Variants in DNAJC3 observed in about 807,000 individuals in gnomAD.
DNAJC3 encodes dnaJ homolog subfamily C member 3.
In DNAJC3, 38 loss-of-function variants were observed where a neutral mutation model predicts 68.6. That is an observed-to-expected ratio of 0.55 (90% CI 0.43 to 0.73). The LOEUF (loss-of-function observed/expected upper bound fraction) is 0.73, where lower values mean the gene tolerates loss of function less well. Ranked by LOEUF, DNAJC3 falls within the 30% of genes least tolerant of loss-of-function variation. DNAJC3 has a pLI of 0.00. For synonymous variants in DNAJC3, 203 were observed against 204.0 expected (o/e 1.00, Z 0.04); for missense variants, 526 against 591.9 (o/e 0.89, Z 1.16).
chr13:95,682,100 A>G lies in DNAJC3; in HGVS notation c.82+4763A>G, dbSNP rs578052430. 2.6e-5 allele frequency among the ~76,000 whole-genome samples: 4 copies of G among 152,328 alleles called. No individual in the cohort carries two copies. The South Asian group carries it at 8.3e-4, about 32-fold the overall frequency. The stretch of plus-strand genomic sequence containing the variant: ...ACAGACTGAGTAATTTATAAAAAAA[A>G]TTTCAACCTGAATTTTGGAGAGAAC... On this transcript the variant is annotated intron_variant, in intron 1 of 11. Transcript: ENST00000602402.
At chr13:95,737,032 G>A (rs1268881899) in intron 4 of DNAJC3, among the ~76,000 whole-genome samples, 20 of 151,826 alleles carry the variant, frequency 1.3e-4, no homozygotes, top group African/African-American at 4.6e-4. Flanking sequence ...TAGCCTGAAG[G>A]GTTGTTGAAT....
At chr13:95,779,119 C>CTTTTTTTTTTTTTTTTTTTT (rs142933580) in intron 9 of DNAJC3, among the ~76,000 whole-genome samples, 3 of 97,974 alleles carry the variant, frequency 3.1e-5, no homozygotes, top group Non-Finnish European at 5.7e-5. Flanking sequence ...TTTCTTCTTT[C>CTTTTTTTTTTTTTTTTTTTT]TTTTTTTTTT....
At chr13:95,767,874 TC>T (rs202011630) in intron 9 of DNAJC3, among the ~76,000 whole-genome samples, 2,167 of 151,424 alleles carry the variant, frequency 0.014, 57 homozygotes, top group African/African-American at 0.05. Context: ...CTTTTTTTTT[TC>T]CGTATTTTTA....
intron 4 of DNAJC3, among the ~76,000 whole-genome samples, chr13:95,749,366 T>G (rs549479979): frequency 2.0e-5 from 3 of 152,312 alleles, no homozygotes; most frequent in Admixed American, 2.0e-4. Context: ...GATTCATCCC[T>G]CTTTGAGAGA....
At chr13:95,786,432 A>G (rs940736627) in intron 10 of DNAJC3, among the ~76,000 whole-genome samples, 3 of 152,176 alleles carry the variant, frequency 2.0e-5, no homozygotes, top group Non-Finnish European at 4.4e-5. Context: ...TCTAGGCCTA[A>G]AAATAAAGTA....
At chr13:95,724,934 G>C (rs1881457136) in intron 3 of DNAJC3, among the ~76,000 whole-genome samples, 1 of 152,112 alleles carries the variant, frequency 6.6e-6, no homozygotes, top group Admixed American at 6.5e-5. Context: ...ACATGTACAA[G>C]TTTTTGTGTG....
At chr13:95,740,991 G>A (rs1035803427) in intron 4 of DNAJC3, among the ~76,000 whole-genome samples, 6 of 151,932 alleles carry the variant, frequency 3.9e-5, no homozygotes, top group African/African-American at 1.2e-4. Context: ...GTCTATCTCT[G>A]TTCTCTTATA....
intron 1 of DNAJC3, among the ~76,000 whole-genome samples, chr13:95,685,123 G>T (rs1007232572): frequency 1.3e-5 from 2 of 152,244 alleles, no homozygotes; most frequent in Non-Finnish European, 2.9e-5. Context: ...CTTGCACCAT[G>T]CACCTGGAAA....
chr13:95,751,019 G>A (rs1379392413), intron 4 of DNAJC3, among the ~76,000 whole-genome samples: 1 of 152,160 alleles, frequency 6.6e-6, no homozygotes, highest in African/African-American at 2.4e-5. Flanking sequence ...GCCAAGGTGG[G>A]AGGATTGCAG....
At chr13:95,691,258 C>T (rs532371979) in intron 1 of DNAJC3, among the ~76,000 whole-genome samples, 2,581 of 151,396 alleles carry the variant, frequency 0.017, 80 homozygotes, top group African/African-American at 0.06. Flanking sequence ...ACTTCCCAGA[C>T]GGGGTGGCTG....
chr13:95,764,683 T>TATATATACAC (rs36030034), intron 9 of DNAJC3, among the ~76,000 whole-genome samples: 97 of 88,216 alleles, frequency 1.1e-3, no homozygotes, highest in Admixed American at 3.3e-3. Context: ...TATATATATA[T>TATATATACAC]ACACACACAC....
chr13:95,704,179 A>G (rs1880655075), intron 1 of DNAJC3, among the ~76,000 whole-genome samples: 1 of 152,198 alleles, frequency 6.6e-6, no homozygotes, highest in South Asian at 2.1e-4. Flanking sequence ...CTTTGGAAGC[A>G]TTTCTCCTTT....
intron 1 of DNAJC3, among the ~76,000 whole-genome samples, chr13:95,686,717 A>G (rs540863039): frequency 3.3e-5 from 5 of 152,284 alleles, no homozygotes; most frequent in South Asian, 4.1e-4. Context: ...GGGGTTCTCT[A>G]TTGTAGTCCA....
At chr13:95,683,167 G>A (rs1219750556) in intron 1 of DNAJC3, among the ~76,000 whole-genome samples, 1 of 152,180 alleles carries the variant, frequency 6.6e-6, no homozygotes, top group Non-Finnish European at 1.5e-5. Flanking sequence ...CAGTGTGAGG[G>A]AAGGTTTCAC....
intron 7 of DNAJC3, among the ~76,000 whole-genome samples, chr13:95,763,372 T>G (rs1247468840): frequency 6.6e-6 from 1 of 152,218 alleles, no homozygotes; most frequent in Non-Finnish European, 1.5e-5. Context: ...TGTAAGGAAA[T>G]TCTTCTGGTT....
chr13:95,749,821 A>G (rs540624367), intron 4 of DNAJC3, among the ~76,000 whole-genome samples: 1 of 152,044 alleles, frequency 6.6e-6, no homozygotes, highest in Non-Finnish European at 1.5e-5. Context: ...AGGCCGAGGC[A>G]GGCGGATCAT....
At chr13:95,704,326 T>G (rs1880659607) in intron 1 of DNAJC3, among the ~76,000 whole-genome samples, 3 of 152,212 alleles carry the variant, frequency 2.0e-5, no homozygotes, top group Admixed American at 1.3e-4. Flanking sequence ...ACTGACATAT[T>G]CTGGCTGTGG....
rs1224970833 is a variant in DNAJC3 at position 95,757,783 on chromosome 13, A to G, written c.533A>G (p.Asp178Gly). Residue 178 changes from aspartate (D) to glycine (G), a missense_variant, in exon 5 of 12, where the codon GAT (aspartate) becomes GGT (glycine). Transcript: ENST00000602402. ...GDYTAAIAFL[D>G]KILEVCVWDA... Reference sequence around the variant, plus strand: ...TATACTGCTGCTATAGCCTTCCTTGATAAGATTTTAGAGGTAAGTTTCTTA... The same window carrying G: ...TATACTGCTGCTATAGCCTTCCTTGGTAAGATTTTAGAGGTAAGTTTCTTA... 2 of 1,541,448 alleles carry G rather than the reference A, an allele frequency of 1.3e-6. No individual in the cohort carries two copies. The highest frequency in any genetic ancestry group is 2.7e-5 in the African/African-American group (2 of 73,912).
intron 4 of DNAJC3, among the ~76,000 whole-genome samples, chr13:95,728,342 A>G (rs927623965): frequency 6.6e-6 from 1 of 152,032 alleles, no homozygotes; most frequent in African/African-American, 2.4e-5. Context: ...GGCATTTGGT[A>G]TTGTCATTAT....
Sources: gnomAD v4.1 joint callset for allele counts (sites outside exome capture counted in the v4.1 genomes callset) on GRCh38, gnomAD v4.1.1 for gene constraint, MANE v1.5 for transcripts, NCBI Gene and HGNC (gene_info 2026-07-23, HGNC 2026-07-21) for gene names.